CFAP210: variants seen among roughly 807,000 people sequenced by gnomAD.
CFAP210 encodes cilia- and flagella- associated protein 210.
the CFAP210 span, among the ~76,000 whole-genome samples, chr2:169,678,691 G>A: frequency 1.3e-5 from 2 of 151,996 alleles, no homozygotes; most frequent in Admixed American, 1.3e-4. Flanking sequence ...CGGGCATGAT[G>A]GTGCGGGCCT....
At chr2:169,646,101 T>C in the CFAP210 span, 3 of 1,613,974 alleles carry the variant, frequency 1.9e-6, no homozygotes, top group African/African-American at 4.0e-5. Flanking sequence ...TCTTTCTCCT[T>C]TTCAGCCACA....
the CFAP210 span, chr2:169,681,306 G>A: frequency 1.1e-5 from 12 of 1,091,156 alleles, no homozygotes; most frequent in East Asian, 5.2e-5. Flanking sequence ...GAGAAGTTCC[G>A]ATATTGGCAT....
chr2:169,691,768 C>G, the CFAP210 span, among the ~76,000 whole-genome samples: 1 of 152,162 alleles, frequency 6.6e-6, no homozygotes, highest in Non-Finnish European at 1.5e-5. Flanking sequence ...TACATACACC[C>G]AAAGTTTCTC....
At chr2:169,694,148 G>C in the CFAP210 span, 2 of 988,404 alleles carry the variant, frequency 2.0e-6, no homozygotes, top group Non-Finnish European at 3.2e-6. Context: ...CTTTCGACCT[G>C]GTGGAGTCCA....
the CFAP210 span, among the ~76,000 whole-genome samples, chr2:169,652,174 G>C: frequency 6.6e-6 from 1 of 152,080 alleles, no homozygotes; most frequent in Non-Finnish European, 1.5e-5. Flanking sequence ...TGATGAGAAA[G>C]GATACAGTGC....
the CFAP210 span, among the ~76,000 whole-genome samples, chr2:169,657,086 G>A: frequency 1.3e-5 from 2 of 150,642 alleles, no homozygotes; most frequent in Admixed American, 6.6e-5. Flanking sequence ...CTTTAAACCT[G>A]TATATTATTT....
the CFAP210 span, chr2:169,650,492 T>G: frequency 1.9e-6 from 3 of 1,580,692 alleles, no homozygotes; most frequent in South Asian, 1.2e-5. Context: ...CAGGAAGTTA[T>G]GTATTCTTTC....
At chr2:169,675,186 G>A in the CFAP210 span, 49 of 650,928 alleles carry the variant, frequency 7.5e-5, no homozygotes, top group Non-Finnish European at 1.0e-4. Flanking sequence ...CTACACTTAT[G>A]AGCTTATTTT....
chr2:169,668,325 G>A, the CFAP210 span, among the ~76,000 whole-genome samples: 5 of 152,296 alleles, frequency 3.3e-5, no homozygotes, highest in East Asian at 9.6e-4. Context: ...GAATGTCAGG[G>A]CTGGTTTGAG....
At chr2:169,681,349 A>G in the CFAP210 span, 112 of 811,288 alleles carry the variant, frequency 1.4e-4, 1 homozygote, top group East Asian at 2.7e-3. Flanking sequence ...TACTTAATTT[A>G]CTCTTGTTAT....
chr2:169,671,740 G>T, the CFAP210 span, among the ~76,000 whole-genome samples: 17 of 152,352 alleles, frequency 1.1e-4, no homozygotes, highest in African/African-American at 4.1e-4. Flanking sequence ...AAAATGCTGG[G>T]ATTGGGAGGC....
chr2:169,667,029 C>T, the CFAP210 span, among the ~76,000 whole-genome samples: 1 of 152,188 alleles, frequency 6.6e-6, no homozygotes, highest in Non-Finnish European at 1.5e-5. Context: ...ACTTTCTCCA[C>T]TGAAGTCTTG....
At chr2:169,656,759 T>C in the CFAP210 span, among the ~76,000 whole-genome samples, 2 of 147,954 alleles carry the variant, frequency 1.4e-5, no homozygotes, top group Non-Finnish European at 3.0e-5. Context: ...AGGTCAGGAG[T>C]TCAAGACCAG....
chr2:169,664,056 G>A, the CFAP210 span, among the ~76,000 whole-genome samples: 15 of 151,094 alleles, frequency 9.9e-5, no homozygotes, highest in African/African-American at 1.7e-4. Context: ...AAATTTGGCC[G>A]GATGTGGTGG....
the CFAP210 span, chr2:169,661,204 T>G: frequency 1.7e-6 from 1 of 576,784 alleles, no homozygotes; most frequent in Non-Finnish European, 3.4e-6. Context: ...TTGCAACTTC[T>G]CATCTGCTGG....
chr2:169,678,341 C>CAAAAAAAAAAAAAA, the CFAP210 span, among the ~76,000 whole-genome samples: 1 of 88,232 alleles, frequency 1.1e-5, no homozygotes, highest in Non-Finnish European at 2.2e-5. Flanking sequence ...AACTCTGTTG[C>CAAAAAAAAAAAAAA]AAAAAAAAAA....
At chr2:169,693,117 A>G in the CFAP210 span, among the ~76,000 whole-genome samples, 1 of 152,224 alleles carries the variant, frequency 6.6e-6, no homozygotes, top group Non-Finnish European at 1.5e-5. Flanking sequence ...CTATTTCACC[A>G]TTCTGGCTGA....
At chr2:169,676,213 C>T in the CFAP210 span, among the ~76,000 whole-genome samples, 3 of 152,000 alleles carry the variant, frequency 2.0e-5, no homozygotes, top group Non-Finnish European at 2.9e-5. Context: ...GTTCTCTCTT[C>T]TGACCTATTA....
At chr2:169,660,945 A>G in the CFAP210 span, 9 of 468,250 alleles carry the variant, frequency 1.9e-5, no homozygotes, top group African/African-American at 8.0e-5. Flanking sequence ...ATGTTCTTCT[A>G]TAATAGCTGA....
Sources: allele counts gnomAD v4.1 joint callset (sites outside exome capture counted in the v4.1 genomes callset), GRCh38; gene constraint gnomAD v4.1.1; transcripts MANE v1.5; gene names NCBI Gene and HGNC (gene_info 2026-07-23, HGNC 2026-07-21).